Variants in AUTS2 observed in about 807,000 individuals in gnomAD.
AUTS2 encodes activator of transcription and developmental regulator AUTS2.
AUTS2 carries 17 observed loss-of-function variants against 112.4 expected under a neutral mutation model. That is an observed-to-expected ratio of 0.15 (90% CI 0.10 to 0.23). The LOEUF is 0.23. Among genes scored for constraint, AUTS2 ranks in the 10% least tolerant of loss-of-function variants. The pLI, the probability that AUTS2 is intolerant of heterozygous loss-of-function variation, is 1.00. For missense variants in AUTS2, 1,510 were observed against 1,701.6 expected, an observed-to-expected ratio of 0.89 and a Z score of 1.98; for synonymous variants, 751 against 702.7, an observed-to-expected ratio of 1.07 and a Z score of -1.09.
chr7:70,445,010 A>G (rs186131802), intron 5 of AUTS2, among the ~76,000 whole-genome samples: 1 of 152,350 alleles, frequency 6.6e-6, no homozygotes, highest in African/African-American at 2.4e-5. Flanking sequence ...CTAAATAGTA[A>G]TAATAAGCAC....
At chr7:70,528,093 A>ATTTTTTTTTTTTTTTTTTTTTT (rs10651355) in intron 5 of AUTS2, among the ~76,000 whole-genome samples, 4 of 97,278 alleles carry the variant, frequency 4.1e-5, no homozygotes, top group Non-Finnish European at 5.9e-5. Context: ...AAATTTAAGG[A>ATTTTTTTTTTTTTTTTTTTTTT]TTTTTTTTTT....
intron 2 of AUTS2, among the ~76,000 whole-genome samples, chr7:70,030,942 G>A (rs1381601017): frequency 2.0e-5 from 3 of 152,048 alleles, no homozygotes; most frequent in Admixed American, 6.6e-5. Context: ...TGAGACAAAC[G>A]GCTGTACTGT....
At chr7:70,281,576 G>T (rs1296896117) in intron 4 of AUTS2, among the ~76,000 whole-genome samples, 1 of 152,194 alleles carries the variant, frequency 6.6e-6, no homozygotes, top group East Asian at 1.9e-4. Context: ...AGGAAGACCT[G>T]GGTTCAAACA....
intron 4 of AUTS2, among the ~76,000 whole-genome samples, chr7:70,386,276 G>A (rs1449446759): frequency 2.6e-5 from 4 of 152,256 alleles, no homozygotes; most frequent in South Asian, 4.1e-4. Flanking sequence ...AAACCAAGAC[G>A]CTTTTTGGTA....
chr7:70,482,334 A>G (rs916833875), intron 5 of AUTS2, among the ~76,000 whole-genome samples: 11 of 152,144 alleles, frequency 7.2e-5, no homozygotes, highest in Non-Finnish European at 1.0e-4. Context: ...TCGTCTTATT[A>G]GCCCCCATCA....
intron 4 of AUTS2, among the ~76,000 whole-genome samples, chr7:70,278,165 G>C (rs758546319): frequency 1.3e-5 from 2 of 152,056 alleles, no homozygotes; most frequent in African/African-American, 4.8e-5. Flanking sequence ...GCAAGAATAC[G>C]AGATTGCTAT....
intron 2 of AUTS2, among the ~76,000 whole-genome samples, chr7:70,076,227 C>T (rs1280443301): frequency 1.1e-4 from 17 of 151,936 alleles, no homozygotes; most frequent in Admixed American, 1.1e-3. Flanking sequence ...AAAGAGTTGG[C>T]ATAAAAAAAA....
chr7:69,876,160 A>C (rs993547161), intron 1 of AUTS2, among the ~76,000 whole-genome samples: 22 of 149,954 alleles, frequency 1.5e-4, no homozygotes, highest in Non-Finnish European at 2.7e-4. Flanking sequence ...CGGTCAGGAG[A>C]TCGAGACCAT....
In AUTS2 at chr7:69,765,407, G is replaced by T. The variant is rs76185254; in HGVS notation, c.310-133879G>T. On this transcript the variant is annotated intron_variant, in intron 1 of 18. Coordinates refer to ENST00000342771, the MANE Select transcript of AUTS2 (RefSeq NM_015570.4). ...ACTTTTAAAGCCTTTGAGGTCAGAT[G>T]GGGGCAGGTCTCATTTGTTTTGGAT... 7.0e-3 allele frequency among the ~76,000 whole-genome samples: 1,061 copies of T among 152,238 alleles called. 45 individuals are homozygous for T. Among genetic ancestry groups the T allele is most frequent in the Admixed American group, 0.05 (763 of 15,294 alleles).
At chr7:69,879,611 A>G (rs760654937) in intron 1 of AUTS2, among the ~76,000 whole-genome samples, 9 of 152,172 alleles carry the variant, frequency 5.9e-5, no homozygotes, top group Non-Finnish European at 8.8e-5. Context: ...AGCACATTAT[A>G]TATATTAACT....
At position 70,356,718 on chromosome 7, in the gene AUTS2, C is replaced by T. The variant is rs375798294; in HGVS notation, c.661-79034C>T. Among the ~76,000 whole-genome samples the T allele has an allele frequency of 9.9e-5, 15 of 152,184 alleles. 1 individual carries two copies. The highest frequency in any genetic ancestry group is 9.7e-4 in the East Asian group (5 of 5,156). On this transcript the variant is annotated intron_variant, in intron 4 of 18. Transcript: ENST00000342771. Reference sequence around the variant, plus strand: ...CTTCTCCTCCCCCCACCTCCCCACCCCTGGTTTTAAAGGACCCTAGTGAGT... The same window carrying T: ...CTTCTCCTCCCCCCACCTCCCCACCTCTGGTTTTAAAGGACCCTAGTGAGT...
intron 3 of AUTS2, among the ~76,000 whole-genome samples, chr7:70,127,736 A>G (rs1806054292): frequency 6.6e-6 from 1 of 152,174 alleles, no homozygotes. Context: ...CTAATGCTAC[A>G]CAGTTGTCTA....
At chr7:69,770,898 G>A (rs777870394) in intron 1 of AUTS2, among the ~76,000 whole-genome samples, 6 of 151,876 alleles carry the variant, frequency 4.0e-5, no homozygotes, top group Admixed American at 6.6e-5. Flanking sequence ...CCAGTAAATT[G>A]CACTTAAAAA....
At chr7:70,608,586 G>A (rs995174193) in intron 5 of AUTS2, among the ~76,000 whole-genome samples, 1 of 152,160 alleles carries the variant, frequency 6.6e-6, no homozygotes, top group Non-Finnish European at 1.5e-5. Context: ...TCCCCCCATA[G>A]TAAGAAAATT....
chr7:69,879,665 A>T (rs550117698), intron 1 of AUTS2, among the ~76,000 whole-genome samples: 1 of 152,326 alleles, frequency 6.6e-6, no homozygotes, highest in East Asian at 1.9e-4. Flanking sequence ...TACTATTATC[A>T]TCCCTATGTT....
intron 4 of AUTS2, among the ~76,000 whole-genome samples, chr7:70,150,292 A>G (rs1217280347): frequency 6.6e-6 from 1 of 152,164 alleles, no homozygotes; most frequent in East Asian, 1.9e-4. Flanking sequence ...CTCATTATTA[A>G]TACCATCTGA....
At chr7:70,314,902 T>C (rs1789926406) in intron 4 of AUTS2, among the ~76,000 whole-genome samples, 1 of 152,116 alleles carries the variant, frequency 6.6e-6, no homozygotes, top group African/African-American at 2.4e-5. Context: ...TTTCACCACT[T>C]CCCTCTCAGC....
At chr7:70,775,264 A>C in intron 12 of AUTS2, 93 bp from the exon 13 acceptor site, 1 of 990,436 alleles carries the variant, frequency 1.0e-6, no homozygotes, top group Non-Finnish European at 1.6e-6. Flanking sequence ...TAACATTTTA[A>C]TTTCCCCTCC....
chr7:69,685,039 C>T (rs1001241820), intron 1 of AUTS2, among the ~76,000 whole-genome samples: 3 of 152,178 alleles, frequency 2.0e-5, no homozygotes, highest in African/African-American at 7.2e-5. Context: ...TGCTTAAAAA[C>T]TTTAGTGACT....
Sources: gnomAD v4.1 joint callset for allele counts (sites outside exome capture counted in the v4.1 genomes callset) on GRCh38, gnomAD v4.1.1 for gene constraint, MANE v1.5 for transcripts, NCBI Gene and HGNC (gene_info 2026-07-23, HGNC 2026-07-21) for gene names.